The following COL4A4 variants were observed in gnomAD, a reference collection of about 807,000 sequenced individuals.
COL4A4 encodes collagen alpha-4(IV) chain.
Under a neutral mutation model 192.9 loss-of-function variants are expected in COL4A4, and 105 were observed. The ratio of observed to expected loss-of-function variants is 0.54; its 90% confidence interval spans 0.46 to 0.64. The LOEUF (loss-of-function observed/expected upper bound fraction) is 0.64, where lower values mean the gene tolerates loss of function less well. Among genes scored for constraint, COL4A4 ranks in the 30% least tolerant of loss-of-function variants. The pLI is 0.00. For synonymous variants in COL4A4, 762 were observed against 769.9 expected (o/e 0.99, Z 0.17); for missense variants, 1,967 against 2,169.3 (o/e 0.91, Z 1.85).
chr2:227,149,850 G>A (rs2063806061), intron 1 of COL4A4, among the ~76,000 whole-genome samples: 1 of 151,676 alleles, frequency 6.6e-6, no homozygotes, highest in Non-Finnish European at 1.5e-5. Flanking sequence ...ATTTTAATTG[G>A]ATGGATGGAT....
At chr2:227,065,601 A>AC (rs925920980) in intron 25 of COL4A4, among the ~76,000 whole-genome samples, 16 of 152,022 alleles carry the variant, frequency 1.1e-4, no homozygotes, top group African/African-American at 3.9e-4. Context: ...ACTGGGAGGC[A>AC]CCCCCCAGCA....
chr2:227,091,580 TGAA>T (rs1318234067), intron 20 of COL4A4, among the ~76,000 whole-genome samples: 1 of 151,968 alleles, frequency 6.6e-6, no homozygotes, highest in Non-Finnish European at 1.5e-5. Flanking sequence ...AAGAAACACT[TGAA>T]GAAAAATTTT....
In COL4A4 at chr2:227,003,747, C is replaced by G. The variant is rs1961494325; in HGVS notation, c.*3578G>C. 6.6e-6 allele frequency: 1 copy of G among 152,130 alleles called. No homozygotes were observed. Among genetic ancestry groups the G allele is most frequent in the Non-Finnish European group, 1.5e-5 (1 of 68,020 alleles). The allele number at this position is 152,130 out of a possible 1,614,324, so 9.4% of individuals were successfully genotyped here. On this transcript the variant is annotated 3_prime_UTR_variant, in exon 48 of 48. Transcript: ENST00000396625. ...AATCCTGAGGGAATACAGATTACAG[C>G]ATAAGGTAAGTCATGTCACATTTTA...
chr2:227,019,712 G>A (rs560487258), intron 44 of COL4A4, among the ~76,000 whole-genome samples: 1 of 152,316 alleles, frequency 6.6e-6, no homozygotes, highest in South Asian at 2.1e-4. Context: ...TTGTTGCCCA[G>A]GCTAGAGTGC....
chr2:227,079,010 GT>G lies in COL4A4; in HGVS notation c.1804-934del, dbSNP rs1326031454. Reference sequence around the variant, plus strand: ...TCCCTCACTGGCAATCCCTGGTGGGGTTCTCAAAAGCTGTGCAGTGGATAAC... The same window carrying G: ...TCCCTCACTGGCAATCCCTGGTGGGGTCTCAAAAGCTGTGCAGTGGATAAC... On this transcript the variant is annotated intron_variant, in intron 24 of 47. Transcript: ENST00000396625. 2.6e-5 allele frequency among the ~76,000 whole-genome samples: 4 copies of G among 152,216 alleles called. 1 individual carries two copies. The highest frequency in any genetic ancestry group is 5.9e-5 in the Non-Finnish European group (4 of 68,034).
At chr2:227,080,970 G>A (rs2059293697) in intron 23 of COL4A4, among the ~76,000 whole-genome samples, 1 of 152,176 alleles carries the variant, frequency 6.6e-6, no homozygotes, top group African/African-American at 2.4e-5. Flanking sequence ...CTGGATGTAA[G>A]AACTTGGAGC....
intron 46 of COL4A4, among the ~76,000 whole-genome samples, chr2:227,009,392 C>T (rs551866412): frequency 1.3e-5 from 2 of 152,304 alleles, no homozygotes; most frequent in African/African-American, 4.8e-5. Flanking sequence ...AGTCCCGCAG[C>T]TTGCAAATCT....
chr2:227,060,452 C>A (rs1976664229), intron 26 of COL4A4, among the ~76,000 whole-genome samples: 1 of 152,190 alleles, frequency 6.6e-6, no homozygotes, highest in African/African-American at 2.4e-5. Context: ...TGTTAAGGCA[C>A]TTTCTCAGAA....
At chr2:227,130,640 T>G (rs13029365) in intron 4 of COL4A4, among the ~76,000 whole-genome samples, 53,835 of 152,016 alleles carry the variant, frequency 0.35, 10,023 homozygotes, top group Non-Finnish European at 0.41. Context: ...CATTTCCAAG[T>G]GGTCAATTTC....
chr2:227,014,741 C>T (rs763282362), intron 44 of COL4A4, among the ~76,000 whole-genome samples: 2 of 152,066 alleles, frequency 1.3e-5, no homozygotes, highest in Non-Finnish European at 2.9e-5. Flanking sequence ...GATGGAGTCT[C>T]GCTGTATCAC....
intron 1 of COL4A4, among the ~76,000 whole-genome samples, chr2:227,153,062 G>C (rs1401244092): frequency 6.6e-6 from 1 of 152,114 alleles, no homozygotes; most frequent in African/African-American, 2.4e-5. Flanking sequence ...ATGGTGGCAG[G>C]CAAGAGAGAA....
downstream of COL4A4, chr2:226,998,426 A>G (rs1296116298): frequency 6.6e-6 from 1 of 152,238 alleles, no homozygotes; most frequent in Non-Finnish European, 1.5e-5. Context: ...AGAATGGGGT[A>G]GCTGGCAGAC....
chr2:227,110,879 A>G (rs2061163689), intron 9 of COL4A4, among the ~76,000 whole-genome samples: 1 of 150,728 alleles, frequency 6.6e-6, no homozygotes, highest in Non-Finnish European at 1.5e-5. Context: ...AGGGGCTTTC[A>G]CCATGTTGGC....
Position 227,123,565 on chromosome 2 carries a change from C to A in COL4A4, c.193-2417G>T, listed in dbSNP as rs1001369326. Among the ~76,000 whole-genome samples, 1 of 152,152 alleles carries A rather than the reference C, an allele frequency of 6.6e-6. No homozygotes were observed. The highest frequency in any genetic ancestry group is 6.5e-5 in the Admixed American group (1 of 15,282). On this transcript the variant is annotated intron_variant, in intron 4 of 47. Transcript: ENST00000396625. The surrounding 1 kb of genome is among the most constrained non-coding windows in gnomAD (Gnocchi z 4.6). The stretch of plus-strand genomic sequence containing the variant: ...CCTGGGACTTAACCCTGAGGGGAGC[C>A]CACATCTCAGTGTTATCCCGCCCTA...
At chr2:227,089,077 T>C (rs979004804) in intron 21 of COL4A4, among the ~76,000 whole-genome samples, 2 of 152,050 alleles carry the variant, frequency 1.3e-5, no homozygotes, top group Admixed American at 6.6e-5. Context: ...TCCTGACAAA[T>C]TCTAGGGAAA....
chr2:227,058,408 G>A (rs188281473), intron 28 of COL4A4, among the ~76,000 whole-genome samples: 122 of 152,134 alleles, frequency 8.0e-4, no homozygotes, highest in Non-Finnish European at 7.4e-4. Context: ...TGAGATAGTC[G>A]GATTACTGGG....
chr2:227,070,711 G>A (rs1377940800), intron 25 of COL4A4, among the ~76,000 whole-genome samples: 1 of 112,750 alleles, frequency 8.9e-6, no homozygotes, highest in African/African-American at 3.3e-5. Flanking sequence ...ACACTCTGGG[G>A]ACTGTTGTGG....
intron 19 of COL4A4, among the ~76,000 whole-genome samples, chr2:227,097,721 A>G (rs1240491110): frequency 2.0e-5 from 3 of 152,204 alleles, no homozygotes; most frequent in Non-Finnish European, 4.4e-5. Flanking sequence ...TGCTATCTAA[A>G]GGTTAAGTGA....
chr2:227,050,442 A>C (rs1404883288), intron 33 of COL4A4, among the ~76,000 whole-genome samples: 1 of 152,256 alleles, frequency 6.6e-6, no homozygotes, highest in Non-Finnish European at 1.5e-5. Flanking sequence ...TAAATAAAAT[A>C]GTATTATAAA....
Sources: allele counts gnomAD v4.1 joint callset (sites outside exome capture counted in the v4.1 genomes callset), GRCh38; gene constraint gnomAD v4.1.1; non-coding constraint Gnocchi (gnomAD v3.1); transcripts MANE v1.5; gene names NCBI Gene and HGNC (gene_info 2026-07-23, HGNC 2026-07-21).